The following AGBL1 variants were observed in gnomAD, a reference collection of about 807,000 sequenced individuals.
AGBL1 encodes cytosolic carboxypeptidase 4.
Under a neutral mutation model 118.9 loss-of-function variants are expected in AGBL1, and 130 were observed. That is an observed-to-expected ratio of 1.09 (90% CI 0.95 to 1.26). AGBL1 has a LOEUF of 1.26. AGBL1 is among the 50% of genes most tolerant of loss of function. AGBL1 has a pLI of 0.00. For missense variants in AGBL1, 1,584 were observed against 1,298.1 expected (o/e 1.22, Z -3.38); for synonymous variants, 555 against 478.9 (o/e 1.16, Z -2.08).
At chr15:86,573,851 G>A (rs1439515193) in intron 21 of AGBL1, among the ~76,000 whole-genome samples, 1 of 152,080 alleles carries the variant, frequency 6.6e-6, no homozygotes, top group Non-Finnish European at 1.5e-5. Flanking sequence ...AATTTAAATA[G>A]GGCCCATCTT....
chr15:86,651,576 G>C (rs1172963152), intron 21 of AGBL1, among the ~76,000 whole-genome samples: 3 of 152,158 alleles, frequency 2.0e-5, no homozygotes, highest in Non-Finnish European at 2.9e-5. Flanking sequence ...CAATGCTGTT[G>C]TCAGGATTGG....
chr15:86,779,695 C>T (rs1333571184), intron 22 of AGBL1, among the ~76,000 whole-genome samples: 1 of 152,060 alleles, frequency 6.6e-6, no homozygotes, highest in Non-Finnish European at 1.5e-5. Context: ...TATCTCTTTT[C>T]TTTTTCACTG....
At chr15:86,794,440 GC>G (rs1178435842) in intron 22 of AGBL1, among the ~76,000 whole-genome samples, 4 of 152,126 alleles carry the variant, frequency 2.6e-5, no homozygotes, top group Non-Finnish European at 5.9e-5. Context: ...ATTGCCAGGG[GC>G]TAGCTGAAAG....
At chr15:86,862,501 C>T (rs983642090) in intron 22 of AGBL1, among the ~76,000 whole-genome samples, 1 of 152,160 alleles carries the variant, frequency 6.6e-6, no homozygotes, top group East Asian at 1.9e-4. Flanking sequence ...GGGCGGATCG[C>T]CTGAGGTCAG....
At chr15:86,513,371 C>T (rs2083076009) in intron 18 of AGBL1, among the ~76,000 whole-genome samples, 1 of 151,956 alleles carries the variant, frequency 6.6e-6, no homozygotes, top group Admixed American at 6.6e-5. Flanking sequence ...GCAAGGTTGT[C>T]ACACAGGTGA....
At chr15:87,003,771 G>A (rs2081466927) in intron 24 of AGBL1, among the ~76,000 whole-genome samples, 1 of 152,186 alleles carries the variant, frequency 6.6e-6, no homozygotes, top group Non-Finnish European at 1.5e-5. Context: ...GCATAGAGAT[G>A]TTTATAGTAT....
At chr15:86,097,666 T>G (rs895069941) in intron 1 of AGBL1, among the ~76,000 whole-genome samples, 5 of 152,154 alleles carry the variant, frequency 3.3e-5, no homozygotes, top group African/African-American at 1.2e-4. Context: ...AATTTCATTC[T>G]TTTTTATGGC....
At chr15:86,198,009 C>T (rs2077842860) in intron 5 of AGBL1, among the ~76,000 whole-genome samples, 1 of 152,188 alleles carries the variant, frequency 6.6e-6, no homozygotes, top group Non-Finnish European at 1.5e-5. Flanking sequence ...AGGTCACTGC[C>T]TTGGTTTCAA....
intron 21 of AGBL1, among the ~76,000 whole-genome samples, chr15:86,576,370 TG>T (rs2084092132): frequency 6.6e-6 from 1 of 152,102 alleles, no homozygotes; most frequent in South Asian, 2.1e-4. Context: ...GCACAGGCAC[TG>T]TCACTGAAAA....
chr15:86,180,504 C>T (rs979489853), intron 5 of AGBL1, among the ~76,000 whole-genome samples: 2 of 152,018 alleles, frequency 1.3e-5, no homozygotes, highest in African/African-American at 4.8e-5. Context: ...TTATACTTTA[C>T]AACATAAACA....
intron 22 of AGBL1, among the ~76,000 whole-genome samples, chr15:86,853,687 A>G (rs1472410435): frequency 6.6e-6 from 1 of 152,196 alleles, no homozygotes; most frequent in Non-Finnish European, 1.5e-5. Context: ...ATGATTTCTA[A>G]AAAATTTACC....
intron 21 of AGBL1, among the ~76,000 whole-genome samples, chr15:86,664,708 A>T (rs1168801996): frequency 6.6e-6 from 1 of 152,198 alleles, no homozygotes; most frequent in Non-Finnish European, 1.5e-5. Context: ...GTAGGACCCT[A>T]AGAAACTAGA....
chr15:86,276,372 T>C (rs1438445158), intron 15 of AGBL1, among the ~76,000 whole-genome samples: 1 of 152,244 alleles, frequency 6.6e-6, no homozygotes, highest in Non-Finnish European at 1.5e-5. Context: ...TGTGTGGAAT[T>C]GCTCTAGACA....
intron 21 of AGBL1, among the ~76,000 whole-genome samples, chr15:86,563,424 C>G (rs952983140): frequency 1.2e-4 from 19 of 152,130 alleles, no homozygotes; most frequent in African/African-American, 2.7e-4. Context: ...TCAGGAGCAG[C>G]TTGTTCAGTT....
intron 18 of AGBL1, among the ~76,000 whole-genome samples, chr15:86,482,924 A>G (rs1013967266): frequency 6.6e-6 from 1 of 152,058 alleles, no homozygotes; most frequent in African/African-American, 2.4e-5. Flanking sequence ...TCTCATAAAG[A>G]GTTACTGTCT....
intron 20 of AGBL1, among the ~76,000 whole-genome samples, chr15:86,552,155 C>T (rs1272070652): frequency 6.6e-6 from 1 of 152,112 alleles, no homozygotes; most frequent in Non-Finnish European, 1.5e-5. Flanking sequence ...GATGATGTTT[C>T]TATGTAGGTT....
intron 1 of AGBL1, among the ~76,000 whole-genome samples, chr15:86,140,938 C>G (rs1274725947): frequency 1.3e-5 from 2 of 152,168 alleles, no homozygotes; most frequent in Non-Finnish European, 2.9e-5. Context: ...TATTAATGAG[C>G]TATGACTTTA....
At chr15:86,969,463 C>T (rs2081085563) in intron 23 of AGBL1, among the ~76,000 whole-genome samples, 1 of 151,996 alleles carries the variant, frequency 6.6e-6, no homozygotes, top group Non-Finnish European at 1.5e-5. Flanking sequence ...TGTCCCAGAC[C>T]AGAGTCAGTG....
chr15:86,488,114 T>G (rs2082734716), intron 18 of AGBL1, among the ~76,000 whole-genome samples: 1 of 152,082 alleles, frequency 6.6e-6, no homozygotes, highest in African/African-American at 2.4e-5. Flanking sequence ...TTCAGCTAAA[T>G]AACAGCTGGA....
Sources: allele counts gnomAD v4.1 joint callset (sites outside exome capture counted in the v4.1 genomes callset), GRCh38; gene constraint gnomAD v4.1.1; transcripts MANE v1.5; gene names NCBI Gene and HGNC (gene_info 2026-07-23, HGNC 2026-07-21).